MYO5B: variants seen among roughly 807,000 people sequenced by gnomAD.
The protein encoded by MYO5B is myosin VB, also known as unconventional myosin-Vb.
MYO5B carries 143 observed loss-of-function variants against 229.3 expected under a neutral mutation model. The observed-to-expected ratio is 0.62, with a 90% confidence interval of 0.54 to 0.72. The LOEUF is 0.72. MYO5B is among the 30% of genes least tolerant of loss of function. The probability of loss-of-function intolerance (pLI) is 0.00; values close to 1 mark genes in which losing one functional copy is unlikely to be tolerated. For missense variants in MYO5B, 2,321 were observed against 2,331.0 expected, an observed-to-expected ratio of 1.00 and a Z score of 0.09; for synonymous variants, 918 against 885.2, an observed-to-expected ratio of 1.04 and a Z score of -0.66.
chr18:49,846,017 G>T (rs1364358860), intron 33 of MYO5B, among the ~76,000 whole-genome samples: 1 of 152,234 alleles, frequency 6.6e-6, no homozygotes, highest in Non-Finnish European at 1.5e-5. Flanking sequence ...AGTCCTAGGA[G>T]CCCAGCTGGG....
At chr18:49,966,359 A>C (rs1436181076) in intron 10 of MYO5B, among the ~76,000 whole-genome samples, 1 of 152,198 alleles carries the variant, frequency 6.6e-6, no homozygotes, top group African/African-American at 2.4e-5. Flanking sequence ...GGGATGAAGG[A>C]GGCCACCCCT....
intron 10 of MYO5B, among the ~76,000 whole-genome samples, chr18:49,966,509 G>A (rs899809885): frequency 5.3e-5 from 8 of 152,120 alleles, no homozygotes; most frequent in African/African-American, 1.9e-4. Flanking sequence ...CCTCCACCCT[G>A]AGAGAAGCTG....
intron 10 of MYO5B, among the ~76,000 whole-genome samples, chr18:49,974,129 T>C (rs992072779): frequency 1.3e-5 from 2 of 152,200 alleles, no homozygotes; most frequent in African/African-American, 4.8e-5. Context: ...ACAGGTCCAT[T>C]CTTGCTTGGG....
intron 2 of MYO5B, among the ~76,000 whole-genome samples, chr18:50,044,798 C>A (rs3941597): frequency 0.2 from 30,153 of 151,810 alleles, 3,020 homozygotes; most frequent in South Asian, 0.24. Flanking sequence ...CTGAGGATGC[C>A]GGCAGGGAAA....
rs547124362 is a variant in MYO5B at position 49,894,329 on chromosome 18, T to TG, written c.3045+611dup. ...GCAGAACAGCAATGACCCAAGTCTG[T>TG]GGGGGGGTCTCCAGGGGCCCTTGGG... On this transcript the variant is annotated intron_variant, in intron 22 of 39. Coordinates refer to ENST00000285039, the MANE Select transcript of MYO5B (RefSeq NM_001080467.3). Among the ~76,000 whole-genome samples the TG allele has an allele frequency of 4.2e-3, 644 of 152,072 alleles. 1 individual carries two copies. The highest frequency in any genetic ancestry group is 4.8e-3 in the Non-Finnish European group (329 of 67,962).
chr18:49,834,883 C>A (rs1443137200), intron 39 of MYO5B, among the ~76,000 whole-genome samples: 1 of 152,162 alleles, frequency 6.6e-6, no homozygotes, highest in African/African-American at 2.4e-5. Context: ...CGTGATCCAC[C>A]CACCTCGGCC....
At chr18:49,967,124 G>A (rs898756293) in intron 10 of MYO5B, among the ~76,000 whole-genome samples, 10 of 151,426 alleles carry the variant, frequency 6.6e-5, no homozygotes, top group African/African-American at 2.4e-4. Context: ...AAAACATAGA[G>A]TAAGAATCGA....
At chr18:49,885,608 C>G (rs1361348593) in intron 22 of MYO5B, among the ~76,000 whole-genome samples, 1 of 152,170 alleles carries the variant, frequency 6.6e-6, no homozygotes, top group Non-Finnish European at 1.5e-5. Context: ...TGCTTAAATG[C>G]CAACTTTCCT....
intron 39 of MYO5B, among the ~76,000 whole-genome samples, chr18:49,834,789 C>G (rs1035668720): frequency 1.3e-5 from 2 of 152,136 alleles, no homozygotes; most frequent in Non-Finnish European, 2.9e-5. Context: ...CAGGCGCCCA[C>G]CACCACGCCC....
chr18:50,146,208 T>C (rs1440680407), intron 1 of MYO5B, among the ~76,000 whole-genome samples: 3 of 152,204 alleles, frequency 2.0e-5, no homozygotes, highest in Admixed American at 6.5e-5. Flanking sequence ...CCAGACACAA[T>C]CTTGGGGCTG....
At chr18:49,866,439 C>G (rs2024397757) in intron 27 of MYO5B, among the ~76,000 whole-genome samples, 1 of 152,144 alleles carries the variant, frequency 6.6e-6, no homozygotes, top group Non-Finnish European at 1.5e-5. Flanking sequence ...CCATCCCCAC[C>G]ATCCATCTCG....
chr18:50,138,890 G>A (rs1421924366), intron 1 of MYO5B, among the ~76,000 whole-genome samples: 1 of 152,196 alleles, frequency 6.6e-6, no homozygotes, highest in Non-Finnish European at 1.5e-5. Flanking sequence ...AGCCCAGGGT[G>A]TTGGGGCCTG....
intron 33 of MYO5B, among the ~76,000 whole-genome samples, chr18:49,846,493 A>G (rs769525343): frequency 2.6e-5 from 4 of 152,162 alleles, no homozygotes; most frequent in African/African-American, 7.2e-5. Context: ...AGCCACGGCC[A>G]TGTGCGGCTA....
At chr18:50,035,257 C>A (rs1452015872) in intron 4 of MYO5B, among the ~76,000 whole-genome samples, 3 of 152,192 alleles carry the variant, frequency 2.0e-5, no homozygotes, top group East Asian at 3.8e-4. Flanking sequence ...ACTTCTGACA[C>A]ACCTAAGTGC....
At position 50,194,872 on chromosome 18, in the gene MYO5B, C is replaced by A; in HGVS notation, c.-79G>T. On this transcript the variant is annotated 5_prime_UTR_variant, in exon 1 of 40. It removes an upstream start codon present in the reference 5' UTR. Coordinates refer to ENST00000285039, the MANE Select transcript of MYO5B (RefSeq NM_001080467.3). ...AGTCCGCGGCTGGCCCGCCTGGCGC[C>A]ATGTTCCCGGGCTGGCCTGGAGTTT... is the stretch of plus-strand genomic sequence containing the variant. 8.1e-7 allele frequency: 1 copy of A among 1,240,008 alleles called. No individual in the cohort carries two copies. The highest frequency in any genetic ancestry group is 3.4e-5 in the South Asian group (1 of 29,154). 76.8% of individuals were successfully genotyped at this position (1,240,008 alleles called of 1,614,324 possible). A position where few individuals can be genotyped will look rare whatever the true frequency, so the allele number is the denominator to read the frequency against.
At chr18:49,894,075 T>C (rs2024748439) in intron 22 of MYO5B, among the ~76,000 whole-genome samples, 1 of 152,146 alleles carries the variant, frequency 6.6e-6, no homozygotes, top group African/African-American at 2.4e-5. Flanking sequence ...AGAGTGGGGA[T>C]GGGAATCTGG....
At chr18:49,928,404 G>T (rs1415536177) in intron 17 of MYO5B, among the ~76,000 whole-genome samples, 1 of 152,220 alleles carries the variant, frequency 6.6e-6, no homozygotes, top group Non-Finnish European at 1.5e-5. Flanking sequence ...AGCACTTTGG[G>T]AAGCTGAGGC....
chr18:50,067,894 C>G (rs1026768890), intron 1 of MYO5B, among the ~76,000 whole-genome samples: 20 of 152,164 alleles, frequency 1.3e-4, no homozygotes, highest in Admixed American at 6.6e-5. Flanking sequence ...CTATTAAGAA[C>G]AGTGACCCAT....
intron 1 of MYO5B, among the ~76,000 whole-genome samples, chr18:50,181,919 T>G (rs1484451260): frequency 6.6e-6 from 1 of 152,168 alleles, no homozygotes; most frequent in Non-Finnish European, 1.5e-5. Flanking sequence ...AAATTGAAAA[T>G]GTGATTAAAT....
Sources: gnomAD v4.1 joint callset for allele counts (sites outside exome capture counted in the v4.1 genomes callset) on GRCh38, gnomAD v4.1.1 for gene constraint, MANE v1.5 for transcripts, NCBI Gene and HGNC (gene_info 2026-07-23, HGNC 2026-07-21) for gene names.